Variants in BACE2 observed in about 807,000 individuals in gnomAD.
BACE2 encodes beta-secretase 2, also known as 56 kDa aspartic-like protease.
A neutral mutation model predicts 46.2 loss-of-function variants in BACE2; 17 were observed. The ratio of observed to expected loss-of-function variants is 0.37; its 90% CI spans 0.25 to 0.55. The LOEUF is 0.55. BACE2 is among the 20% of genes least tolerant of loss of function. The pLI, the probability that BACE2 is intolerant of heterozygous loss-of-function variation, is 0.82. For missense variants in BACE2, 595 were observed against 698.1 expected, an observed-to-expected ratio of 0.85 and a Z score of 1.66; for synonymous variants, 277 against 295.9, an observed-to-expected ratio of 0.94 and a Z score of 0.66.
Position 41,275,862 on chromosome 21 carries a change from A to G in BACE2, c.*238A>G. On this transcript the variant is annotated 3_prime_UTR_variant, in exon 9 of 9. Transcript: ENST00000330333. ...AAAAAACTTCATTCTAAACCAAAAC[A>G]GAGTGGATTGGGCTGCAGGCTCTAT... The G allele has an allele frequency of 1.8e-6, 1 of 552,334 alleles. No homozygotes were observed. The highest frequency in any genetic ancestry group is 2.3e-5 in the South Asian group (1 of 43,712). The allele number at this position is 552,334 out of a possible 1,614,324, so 34.2% of individuals were successfully genotyped here. A position where few individuals can be genotyped will look rare whatever the true frequency, so the allele number is the denominator to read the frequency against.
intron 1 of BACE2, among the ~76,000 whole-genome samples, chr21:41,223,910 G>T (rs1384205477): frequency 6.6e-6 from 1 of 152,196 alleles, no homozygotes; most frequent in African/African-American, 2.4e-5. Flanking sequence ...GGTGTGAGTG[G>T]ATGGATCCCA....
intron 2 of BACE2, among the ~76,000 whole-genome samples, chr21:41,228,572 G>C (rs1409982260): frequency 2.0e-5 from 3 of 152,196 alleles, no homozygotes; most frequent in African/African-American, 7.2e-5. Context: ...GCAAGGGTAG[G>C]GGAAGGACGT....
chr21:41,199,237 T>C (rs938954949), intron 1 of BACE2, among the ~76,000 whole-genome samples: 3 of 151,910 alleles, frequency 2.0e-5, no homozygotes, highest in Non-Finnish European at 4.4e-5. Context: ...TCTTTCCCCT[T>C]TCCTCCTTGT....
At chr21:41,238,601 C>T (rs1404057842) in intron 3 of BACE2, among the ~76,000 whole-genome samples, 2 of 152,040 alleles carry the variant, frequency 1.3e-5, no homozygotes, top group East Asian at 1.9e-4. Flanking sequence ...GGCACCTATA[C>T]ACCATGGAAT....
intron 8 of BACE2, among the ~76,000 whole-genome samples, chr21:41,268,685 C>T (rs1049406820): frequency 1.3e-5 from 2 of 152,162 alleles, no homozygotes; most frequent in Admixed American, 1.3e-4. Context: ...CTGCAGTATG[C>T]TACTATCATG....
At chr21:41,235,239 G>A (rs1047270904) in intron 2 of BACE2, among the ~76,000 whole-genome samples, 20 of 152,246 alleles carry the variant, frequency 1.3e-4, no homozygotes, top group African/African-American at 3.6e-4. Flanking sequence ...TCTCATTGAC[G>A]TATTTTTCTT....
intron 8 of BACE2, among the ~76,000 whole-genome samples, chr21:41,274,959 G>C (rs115033094): frequency 3.4e-4 from 52 of 152,328 alleles, no homozygotes; most frequent in African/African-American, 1.2e-3. Context: ...GCTTTCTGCG[G>C]TAAATTCTCC....
chr21:41,203,434 C>T (rs1162156823), intron 1 of BACE2, among the ~76,000 whole-genome samples: 9 of 151,922 alleles, frequency 5.9e-5, no homozygotes, highest in African/African-American at 2.4e-5. Context: ...GAACCCAAGG[C>T]GGCCTGTGGT....
intron 2 of BACE2, among the ~76,000 whole-genome samples, chr21:41,231,295 G>C (rs1241549991): frequency 6.6e-6 from 1 of 152,198 alleles, no homozygotes; most frequent in Admixed American, 6.5e-5. Context: ...ACCTCAGGGG[G>C]TCTCATGCAT....
rs1030258360 is a variant in BACE2, at chr21:41,199,075, A to C, written c.313-27191A>C. 3.0e-5 allele frequency among the ~76,000 whole-genome samples: 4 copies of C among 131,594 alleles called. No individual in the cohort carries two copies. The South Asian group carries it at 9.7e-4, about 32-fold the overall frequency. The allele number at this position is 131,594 out of a possible 152,430, so 86.3% of individuals were successfully genotyped here. A position where few individuals can be genotyped will look rare whatever the true frequency, so the allele number is the denominator to read the frequency against. ...TGTGATGTTCCCCTTCCTGTGTCCA[A>C]GTGTTCTCATTGCTCACTTCCCACC... On this transcript the variant is annotated intron_variant, in intron 1 of 8. Coordinates refer to ENST00000330333, the MANE Select transcript of BACE2 (RefSeq NM_012105.5).
chr21:41,249,696 C>T (rs1194103647), intron 6 of BACE2, among the ~76,000 whole-genome samples: 1 of 152,192 alleles, frequency 6.6e-6, no homozygotes, highest in Non-Finnish European at 1.5e-5. Context: ...TGGACAGACA[C>T]CCCCTCCTCC....
intron 1 of BACE2, among the ~76,000 whole-genome samples, chr21:41,188,577 G>A (rs1985460462): frequency 6.6e-6 from 1 of 152,196 alleles, no homozygotes; most frequent in South Asian, 2.1e-4. Context: ...CAGACCCAGG[G>A]CTTACATACC....
chr21:41,207,635 A>G (rs1324401832), intron 1 of BACE2, among the ~76,000 whole-genome samples: 1 of 150,956 alleles, frequency 6.6e-6, no homozygotes, highest in Non-Finnish European at 1.5e-5. Context: ...CGCCCCACTG[A>G]TCTCCCTCCT....
intron 1 of BACE2, among the ~76,000 whole-genome samples, chr21:41,205,718 T>G (rs987100468): frequency 2.6e-5 from 4 of 152,172 alleles, no homozygotes; most frequent in African/African-American, 9.7e-5. Context: ...TCACATGAAT[T>G]GTCTGTAGTT....
rs374783979 is a variant in BACE2, at chr21:41,204,501, G to A, written c.313-21765G>A. On this transcript the variant is annotated intron_variant, in intron 1 of 8. Transcript: ENST00000330333. ...CTGAGTGGGGTGGTCCAGTGCCCAC[G>A]GAGAGGGGCTGGAGCTAGGACCATG... Among the ~76,000 whole-genome samples, 22 of 152,284 alleles carry A rather than the reference G, an allele frequency of 1.4e-4. No homozygotes were observed. In the South Asian group the frequency reaches 2.1e-3, roughly 14 times the overall value.
intron 1 of BACE2, chr21:41,179,487 G>C: frequency 1.5e-6 from 2 of 1,346,486 alleles, no homozygotes; most frequent in South Asian, 2.4e-5. Flanking sequence ...GGTGTCCAGG[G>C]TGAGGAGTGA....
At chr21:41,240,449 G>A (rs1159787798) in intron 3 of BACE2, among the ~76,000 whole-genome samples, 1 of 152,258 alleles carries the variant, frequency 6.6e-6, no homozygotes, top group East Asian at 1.9e-4. Context: ...GCGTGTGCCA[G>A]GTACTGCTCC....
At position 41,275,615 on chromosome 21, in the gene BACE2, C is replaced by G. The variant is rs546808073; in HGVS notation, c.1548C>G (p.Arg516=). Residue 516 remains arginine (R), a synonymous_variant, in exon 9 of 9, where the codon CGC becomes CGG. Transcript: ENST00000330333. ...VNDESSLVRH[R]WK is the part of the protein sequence containing the mutation. ...ATGAGTCCTCTCTGGTCAGACATCG[C>G]TGGAAATGAATAGCCAGGCCTGACC... The G allele has an allele frequency of 1.2e-6, 2 of 1,613,904 alleles. No individual in the cohort carries two copies. Among genetic ancestry groups the G allele is most frequent in the South Asian group, 2.2e-5 (2 of 91,064 alleles).
chr21:41,174,159 T>G (rs1393991412), intron 1 of BACE2, among the ~76,000 whole-genome samples: 4 of 142,692 alleles, frequency 2.8e-5, no homozygotes, highest in Non-Finnish European at 6.0e-5. Flanking sequence ...TTTTTTTTTT[T>G]TTTTTAAACA....
Sources: allele counts gnomAD v4.1 joint callset (sites outside exome capture counted in the v4.1 genomes callset), GRCh38; gene constraint gnomAD v4.1.1; transcripts MANE v1.5; gene names NCBI Gene and HGNC (gene_info 2026-07-23, HGNC 2026-07-21).